Variants in IFT88 observed in about 807,000 individuals in gnomAD.
The protein encoded by IFT88 is intraflagellar transport protein 88 homolog.
IFT88 carries 74 observed loss-of-function variants against 119.5 expected under a neutral mutation model. The ratio of observed to expected loss-of-function variants is 0.62; its 90% CI spans 0.51 to 0.75. The LOEUF is 0.75. Ranked by LOEUF, IFT88 falls within the 30% of genes least tolerant of loss-of-function variation. IFT88 has a pLI of 0.00. For missense variants in IFT88, 961 were observed against 977.7 expected, an observed-to-expected ratio of 0.98 and a Z score of 0.23; for synonymous variants, 279 against 316.7, an observed-to-expected ratio of 0.88 and a Z score of 1.26.
intron 16 of IFT88, among the ~76,000 whole-genome samples, chr13:20,637,313 G>A (rs2049164466): frequency 6.6e-6 from 1 of 152,176 alleles, no homozygotes; most frequent in Non-Finnish European, 1.5e-5. Flanking sequence ...AAAGTTTAAC[G>A]AGGGACGGTC....
chr13:20,600,909 T>A (rs868703037), intron 11 of IFT88, among the ~76,000 whole-genome samples: 1 of 152,202 alleles, frequency 6.6e-6, no homozygotes, highest in Admixed American at 6.5e-5. Context: ...TATGTATTCA[T>A]ACTATGAAAT....
intron 6 of IFT88, 80 bp downstream of exon 6, chr13:20,591,761 A>G (rs2040726129): frequency 2.2e-6 from 2 of 891,054 alleles, no homozygotes; most frequent in African/African-American, 1.7e-5. Context: ...TATTACTGTC[A>G]TTTTAAATAA....
chr13:20,604,602 T>C (rs1454793184), intron 12 of IFT88, among the ~76,000 whole-genome samples: 1 of 152,084 alleles, frequency 6.6e-6, no homozygotes, highest in Non-Finnish European at 1.5e-5. Context: ...TAAGGGAAAA[T>C]AGAAGGATTA....
At chr13:20,593,082 T>C (rs1398044684) in intron 7 of IFT88, among the ~76,000 whole-genome samples, 1 of 152,122 alleles carries the variant, frequency 6.6e-6, no homozygotes, top group Non-Finnish European at 1.5e-5. Flanking sequence ...GGGAAAAAAT[T>C]AAGAGAACAC....
intron 2 of IFT88, among the ~76,000 whole-genome samples, chr13:20,577,682 C>T (rs948386901): frequency 6.6e-6 from 1 of 152,078 alleles, no homozygotes; most frequent in African/African-American, 2.4e-5. Context: ...GTTGAACCAT[C>T]CTTGCATCCC....
intron 18 of IFT88, 31 bp from the exon 19 acceptor site, chr13:20,643,424 A>G: frequency 6.4e-7 from 1 of 1,552,086 alleles, no homozygotes; most frequent in African/African-American, 1.4e-5. Context: ...GAATTTAGAA[A>G]ACATGTTTTC....
chr13:20,602,956 A>G (rs754310970), intron 12 of IFT88, among the ~76,000 whole-genome samples: 3 of 152,132 alleles, frequency 2.0e-5, no homozygotes, highest in Non-Finnish European at 2.9e-5. Context: ...CAAAAGTCAT[A>G]TTTTCAAACA....
intron 24 of IFT88, among the ~76,000 whole-genome samples, chr13:20,671,784 A>G (rs1235282552): frequency 4.6e-5 from 7 of 152,158 alleles, no homozygotes; most frequent in Admixed American, 3.9e-4. Context: ...ATATACCTAC[A>G]TTCTCTCCTA....
chr13:20,569,835 C>T (rs560416888), intron 1 of IFT88, among the ~76,000 whole-genome samples: 87 of 151,072 alleles, frequency 5.8e-4, no homozygotes, highest in Admixed American at 1.4e-3. Context: ...GAGACCATAC[C>T]GGCTAATACG....
chr13:20,623,992 A>G (rs560210564), intron 14 of IFT88, among the ~76,000 whole-genome samples: 1 of 152,164 alleles, frequency 6.6e-6, no homozygotes, highest in Non-Finnish European at 1.5e-5. Context: ...GTATCCTGCT[A>G]CATTGCTTAA....
chr13:20,652,766 A>T (rs2051997092), intron 20 of IFT88, among the ~76,000 whole-genome samples: 1 of 152,244 alleles, frequency 6.6e-6, no homozygotes, highest in South Asian at 2.1e-4. Flanking sequence ...CACATGGTAA[A>T]TGCAACACTA....
Position 20,592,346 on chromosome 13 carries a change from G to C in IFT88, c.340G>C (p.Asp114His). 1 of 1,609,744 alleles carries C rather than the reference G, an allele frequency of 6.2e-7. No homozygotes were observed. The highest frequency in any genetic ancestry group is 8.5e-7 in the Non-Finnish European group (1 of 1,178,492). Reference protein sequence around the residue: ...TKAALRGSAFDPLSQSRGPAS... With the variant: ...TKAALRGSAFHPLSQSRGPAS... ...GAATTGTGTCTCAGGCTCTGCATTT[G>C]ACCCCCTTAGTCAGTCAAGGGGCCC... The change falls in exon 7 of 26, where the codon GAC becomes CAC. Residue 114 changes from aspartate to histidine, a missense_variant. Transcript: ENST00000351808.
At chr13:20,640,848 A>T (rs890012837) in intron 17 of IFT88, among the ~76,000 whole-genome samples, 1 of 152,058 alleles carries the variant, frequency 6.6e-6, no homozygotes, top group African/African-American at 2.4e-5. Flanking sequence ...ATTATTCTTT[A>T]AAAAAATCCT....
chr13:20,613,800 G>A (rs947004478), intron 13 of IFT88, among the ~76,000 whole-genome samples: 5 of 151,336 alleles, frequency 3.3e-5, no homozygotes, highest in African/African-American at 1.2e-4. Flanking sequence ...AAGTAATTGC[G>A]ATTTTTCCCA....
At chr13:20,674,729 T>TG (rs1293518412) in intron 24 of IFT88, among the ~76,000 whole-genome samples, 1,966 of 121,370 alleles carry the variant, frequency 0.016, 79 homozygotes, top group African/African-American at 0.054. Flanking sequence ...TATATATTTT[T>TG]TTTTTTTTTT....
chr13:20,576,292 T>G (rs2037372786), intron 2 of IFT88, among the ~76,000 whole-genome samples: 1 of 152,238 alleles, frequency 6.6e-6, no homozygotes, highest in South Asian at 2.1e-4. Flanking sequence ...AGGGATAGTT[T>G]ATAAATATTT....
intron 14 of IFT88, among the ~76,000 whole-genome samples, 188 bp downstream of exon 14, chr13:20,616,067 C>T (rs1316093759): frequency 6.6e-6 from 1 of 152,046 alleles, no homozygotes; most frequent in African/African-American, 2.4e-5. Flanking sequence ...ACTTATTACT[C>T]ATGTTATTTT....
chr13:20,665,718 A>T (rs553609428), intron 23 of IFT88, among the ~76,000 whole-genome samples: 42 of 152,338 alleles, frequency 2.8e-4, no homozygotes, highest in African/African-American at 9.9e-4. Flanking sequence ...AACATTGATT[A>T]TGATCTGCCG....
At chr13:20,626,189 T>C (rs980533916) in intron 15 of IFT88, among the ~76,000 whole-genome samples, 9 of 150,904 alleles carry the variant, frequency 6.0e-5, no homozygotes, top group African/African-American at 2.2e-4. Flanking sequence ...GCCTCCCGAG[T>C]AGCTGGGACT....
Sources: allele counts gnomAD v4.1 joint callset (sites outside exome capture counted in the v4.1 genomes callset), GRCh38; gene constraint gnomAD v4.1.1; transcripts MANE v1.5; gene names NCBI Gene and HGNC (gene_info 2026-07-23, HGNC 2026-07-21).